The following PRELID2 variants were observed in gnomAD, a reference collection of about 807,000 sequenced individuals.
PRELID2 encodes the protein PRELI domain-containing protein 2.
Under a neutral mutation model 28.4 loss-of-function variants are expected in PRELID2, and 25 were observed. That is an observed-to-expected ratio of 0.88 (90% CI 0.64 to 1.23). PRELID2 has a LOEUF of 1.23. Among genes scored for constraint, PRELID2 ranks in the 50% most tolerant of loss-of-function variants. PRELID2 has a pLI of 0.00. For missense variants in PRELID2, 201 were observed against 214.4 expected, an observed-to-expected ratio of 0.94 and a Z score of 0.39; for synonymous variants, 76 against 71.6, an observed-to-expected ratio of 1.06 and a Z score of -0.31.
At chr5:145,337,733 TCACACACACACA>T in the PRELID2 span, among the ~76,000 whole-genome samples, 1 of 96,072 alleles carries the variant, frequency 1.0e-5, no homozygotes, top group South Asian at 3.5e-4. Context: ...ATATATATAC[TCACACACACACA>T]CACACACACA....
At chr5:145,822,522 A>G (rs1017817983) in intron 2 of PRELID2, among the ~76,000 whole-genome samples, 2 of 152,200 alleles carry the variant, frequency 1.3e-5, no homozygotes, top group African/African-American at 4.8e-5. Context: ...GATTTAGTCA[A>G]TGCTAAACCA....
chr5:145,542,154 C>T (rs1049328019), intron 1 of PRELID2, among the ~76,000 whole-genome samples: 5 of 152,052 alleles, frequency 3.3e-5, no homozygotes, highest in African/African-American at 1.2e-4. Context: ...TCCAGTCATG[C>T]CCTAAATAGG....
intron 1 of PRELID2, among the ~76,000 whole-genome samples, chr5:145,500,821 C>T (rs1330716101): frequency 6.6e-6 from 1 of 152,130 alleles, no homozygotes; most frequent in Non-Finnish European, 1.5e-5. Flanking sequence ...AGACTAATTT[C>T]ACTGCTGCTG....
chr5:145,408,667 A>T, the PRELID2 span, among the ~76,000 whole-genome samples: 7 of 151,960 alleles, frequency 4.6e-5, no homozygotes, highest in Admixed American at 4.6e-4. Flanking sequence ...AGAAAAAGAC[A>T]AAGAAAAAAG....
intron 5 of PRELID2, 105 bp downstream of exon 5, chr5:145,796,337 T>C (rs1561618844): frequency 3.4e-6 from 2 of 581,456 alleles, no homozygotes; most frequent in South Asian, 3.1e-5. Context: ...TTATTAACTA[T>C]ATGTTTTTCT....
chr5:145,447,741 A>G, the PRELID2 span, among the ~76,000 whole-genome samples: 58,887 of 102,216 alleles, frequency 0.58, 17,177 homozygotes, highest in Non-Finnish European at 0.63. Flanking sequence ...TTGTTCTTGC[A>G]ATAGTTTACT....
chr5:145,658,984 T>C (rs1313007146), intron 1 of PRELID2, among the ~76,000 whole-genome samples: 1 of 152,052 alleles, frequency 6.6e-6, no homozygotes, highest in Non-Finnish European at 1.5e-5. Context: ...AGATGGGAAG[T>C]TCGAGGCAGA....
the PRELID2 span, among the ~76,000 whole-genome samples, chr5:145,299,040 T>A: frequency 6.6e-6 from 1 of 152,122 alleles, no homozygotes; most frequent in African/African-American, 2.4e-5. Flanking sequence ...AATTTTTTAT[T>A]ATAGAAAATT....
At chr5:145,813,425 C>A (rs762706686) in intron 4 of PRELID2, among the ~76,000 whole-genome samples, 1 of 152,134 alleles carries the variant, frequency 6.6e-6, no homozygotes, top group Non-Finnish European at 1.5e-5. Flanking sequence ...AGCATATCAA[C>A]CCCTAATCAG....
chr5:145,312,560 C>T, the PRELID2 span, among the ~76,000 whole-genome samples: 29 of 152,176 alleles, frequency 1.9e-4, no homozygotes, highest in African/African-American at 6.8e-4. Flanking sequence ...CTCTCTACTT[C>T]TATGAGATCA....
the PRELID2 span, among the ~76,000 whole-genome samples, chr5:145,272,400 C>G: frequency 1.3e-5 from 2 of 152,090 alleles, no homozygotes; most frequent in African/African-American, 4.8e-5. Context: ...GCAGAATCAT[C>G]TCTGGTCTCG....
At chr5:145,370,696 G>A in the PRELID2 span, among the ~76,000 whole-genome samples, 89 of 152,104 alleles carry the variant, frequency 5.9e-4, no homozygotes, top group Middle Eastern at 3.4e-3. Context: ...CATTGAATCT[G>A]TAAGTTAGTT....
chr5:145,478,318 C>T (rs544669387), intron 1 of PRELID2, among the ~76,000 whole-genome samples: 3 of 152,004 alleles, frequency 2.0e-5, no homozygotes, highest in African/African-American at 7.2e-5. Flanking sequence ...GAGGCAGAAG[C>T]GGGCAGATCA....
chr5:145,674,446 T>C (rs1754773758), intron 1 of PRELID2, among the ~76,000 whole-genome samples: 1 of 152,154 alleles, frequency 6.6e-6, no homozygotes. Context: ...TCTGATCACA[T>C]ATGAAAATTT....
the PRELID2 span, among the ~76,000 whole-genome samples, chr5:145,312,103 T>G: frequency 4.3e-4 from 66 of 152,068 alleles, no homozygotes; most frequent in East Asian, 0.012. Flanking sequence ...CTCAGCATTT[T>G]GGGAGGCCAA....
the PRELID2 span, among the ~76,000 whole-genome samples, chr5:145,459,876 C>G: frequency 6.7e-6 from 1 of 149,116 alleles, no homozygotes; most frequent in Non-Finnish European, 1.5e-5. Flanking sequence ...GTGATGCGAT[C>G]TTGGCTCACC....
the PRELID2 span, among the ~76,000 whole-genome samples, chr5:145,330,752 G>T: frequency 1.3e-5 from 2 of 151,906 alleles, no homozygotes; most frequent in Non-Finnish European, 2.9e-5. Context: ...TTTTTGAAAG[G>T]TTTTTCGTAC....
At chr5:145,820,644 G>A (rs769798987) in intron 2 of PRELID2, among the ~76,000 whole-genome samples, 11 of 151,872 alleles carry the variant, frequency 7.2e-5, no homozygotes, top group East Asian at 5.8e-4. Flanking sequence ...TATTGTTACC[G>A]GCAGCAAACC....
chr5:145,774,092 C>T (rs1361972432), intron 5 of PRELID2, among the ~76,000 whole-genome samples: 1 of 152,208 alleles, frequency 6.6e-6, no homozygotes, highest in African/African-American at 2.4e-5. Context: ...ACCAATCTCA[C>T]CAAACCTCAA....
Sources: allele counts gnomAD v4.1 joint callset (sites outside exome capture counted in the v4.1 genomes callset), GRCh38; gene constraint gnomAD v4.1.1; transcripts MANE v1.5; gene names NCBI Gene and HGNC (gene_info 2026-07-23, HGNC 2026-07-21).